TRPM3: variants seen among roughly 807,000 people sequenced by gnomAD.
TRPM3 encodes the protein transient receptor potential cation channel subfamily M member 3.
TRPM3 carries 77 observed loss-of-function variants against 181.2 expected under a neutral mutation model. The ratio of observed to expected loss-of-function variants is 0.42; its 90% CI spans 0.35 to 0.51. The LOEUF (loss-of-function observed/expected upper bound fraction) is 0.51, where lower values mean the gene tolerates loss of function less well. Among genes scored for constraint, TRPM3 ranks in the 20% least tolerant of loss-of-function variants. The pLI is 0.01. For synonymous variants in TRPM3, 745 were observed against 796.4 expected (o/e 0.94, Z 1.09); for missense variants, 1,759 against 2,196.7 (o/e 0.80, Z 3.98).
intron 8 of TRPM3, among the ~76,000 whole-genome samples, chr9:70,686,688 TC>T: frequency 1.0e-4 from 4 of 40,028 alleles, no homozygotes; most frequent in African/African-American, 2.9e-4. Context: ...CTTCCTTCTT[TC>T]CTTCCTTCCT....
chr9:70,690,281 CGATA>C (rs372103946), intron 8 of TRPM3, among the ~76,000 whole-genome samples: 1 of 152,050 alleles, frequency 6.6e-6, no homozygotes, highest in Non-Finnish European at 1.5e-5. Context: ...CATAGCTATA[CGATA>C]GATAATCAAC....
intron 1 of TRPM3, among the ~76,000 whole-genome samples, chr9:71,269,467 G>A (rs1199095737): frequency 6.6e-6 from 1 of 152,198 alleles, no homozygotes; most frequent in Admixed American, 6.5e-5. Flanking sequence ...CCGAGCAACA[G>A]AGCAGAATAA....
At chr9:70,885,200 T>G (rs1271844023) in intron 1 of TRPM3, among the ~76,000 whole-genome samples, 4 of 152,200 alleles carry the variant, frequency 2.6e-5, no homozygotes, top group Non-Finnish European at 4.4e-5. Context: ...GCAGGATTTC[T>G]CAACTCGGTA....
intron 1 of TRPM3, among the ~76,000 whole-genome samples, chr9:71,083,682 T>C (rs561031460): frequency 6.7e-6 from 1 of 150,298 alleles, no homozygotes; most frequent in African/African-American, 2.4e-5. Flanking sequence ...TAACCAGTGT[T>C]GCATAAAAGT....
intron 1 of TRPM3, among the ~76,000 whole-genome samples, chr9:71,413,184 C>A (rs978154479): frequency 2.0e-5 from 3 of 152,006 alleles, no homozygotes; most frequent in African/African-American, 7.2e-5. Flanking sequence ...CAACATGCCA[C>A]ATGTATACAT....
intron 1 of TRPM3, among the ~76,000 whole-genome samples, chr9:71,069,368 A>G (rs1370606757): frequency 6.6e-6 from 1 of 152,058 alleles, no homozygotes; most frequent in East Asian, 1.9e-4. Flanking sequence ...TAGTAGAGTC[A>G]GGGTTTCACC....
At chr9:70,945,825 C>T (rs924760383) in intron 1 of TRPM3, among the ~76,000 whole-genome samples, 5 of 152,064 alleles carry the variant, frequency 3.3e-5, no homozygotes, top group African/African-American at 1.2e-4. Context: ...GGCAGGGCAG[C>T]CCCAAGTTGT....
intron 1 of TRPM3, among the ~76,000 whole-genome samples, chr9:71,168,186 C>T (rs1303377500): frequency 6.6e-6 from 1 of 152,116 alleles, no homozygotes; most frequent in Non-Finnish European, 1.5e-5. Flanking sequence ...TTCTAGAAGG[C>T]TTTGAAGCCA....
rs556046285 is a variant in TRPM3, at chr9:70,625,031, T to C, written c.1809+160A>G. Among the ~76,000 whole-genome samples, 6 of 152,356 alleles carry C rather than the reference T, an allele frequency of 3.9e-5. 1 individual carries two copies. In the East Asian group the frequency reaches 1.2e-3, roughly 29 times the overall value. ...CTGCTGAGTTTAATAATCTCAATGA[T>C]AAGATTAATTTGAATTTCATTACTT... is the stretch of plus-strand genomic sequence containing the variant. On this transcript the variant is annotated intron_variant, in intron 14 of 25. Transcript: ENST00000677713. This position sits in a 1 kb window ranked among gnomAD's most constrained non-coding sequence, Gnocchi z 4.8.
intron 1 of TRPM3, among the ~76,000 whole-genome samples, chr9:71,004,190 G>C (rs1389257534): frequency 6.6e-6 from 1 of 152,212 alleles, no homozygotes; most frequent in Non-Finnish European, 1.5e-5. Flanking sequence ...ACTGGCCAGA[G>C]CCACAGTGCT....
intron 1 of TRPM3, among the ~76,000 whole-genome samples, chr9:71,105,420 G>A (rs1226530107): frequency 6.6e-6 from 1 of 152,188 alleles, no homozygotes; most frequent in Non-Finnish European, 1.5e-5. Context: ...GGGTGGTTAG[G>A]AGGCAGAAGA....
At chr9:71,110,343 G>A (rs528028013) in intron 1 of TRPM3, among the ~76,000 whole-genome samples, 1 of 152,306 alleles carries the variant, frequency 6.6e-6, no homozygotes, top group African/African-American at 2.4e-5. Context: ...TAGAATGGTT[G>A]AAAGCAATGA....
At chr9:70,766,959 T>C (rs891052982) in intron 7 of TRPM3, among the ~76,000 whole-genome samples, 1 of 152,242 alleles carries the variant, frequency 6.6e-6, no homozygotes, top group Non-Finnish European at 1.5e-5. Context: ...ATTAAATGAG[T>C]TAAGCTTTGT....
chr9:71,110,983 G>A (rs2070945555), intron 1 of TRPM3, among the ~76,000 whole-genome samples: 1 of 152,088 alleles, frequency 6.6e-6, no homozygotes, highest in African/African-American at 2.4e-5. Flanking sequence ...GCAGTTCTAA[G>A]TAGAAGTTAT....
rs115910049 is a variant in TRPM3 at position 71,049,099 on chromosome 9, C to T, written c.177+72079G>A. Among the ~76,000 whole-genome samples, 1,370 of 152,274 alleles carry T rather than the reference C, an allele frequency of 9.0e-3. 21 individuals are homozygous for T. The highest frequency in any genetic ancestry group is 0.03 in the African/African-American group (1,228 of 41,554). On this transcript the variant is annotated intron_variant, in intron 1 of 25. Transcript: ENST00000677713. The stretch of plus-strand genomic sequence containing the variant: ...CTCCTCCCCCAGAGAAGGCTGAGGA[C>T]CCTCACATACTTCAGCACTTCTTTG...
At chr9:71,147,302 G>A (rs1181037165) in intron 1 of TRPM3, among the ~76,000 whole-genome samples, 1 of 152,024 alleles carries the variant, frequency 6.6e-6, no homozygotes, top group Non-Finnish European at 1.5e-5. Context: ...CTTATGTAGA[G>A]CATTATCCCT....
intron 1 of TRPM3, among the ~76,000 whole-genome samples, chr9:71,315,476 G>A (rs1277932746): frequency 6.6e-6 from 1 of 151,988 alleles, no homozygotes; most frequent in Admixed American, 6.6e-5. Flanking sequence ...TTTCTACTCT[G>A]TCTAGATCCC....
intron 1 of TRPM3, among the ~76,000 whole-genome samples, chr9:71,062,049 T>A (rs183438578): frequency 1.3e-5 from 2 of 152,198 alleles, no homozygotes; most frequent in East Asian, 3.9e-4. Flanking sequence ...CAGGTAACTC[T>A]AGCCTCTGCA....
intron 5 of TRPM3, among the ~76,000 whole-genome samples, chr9:70,839,214 C>T (rs1489691408): frequency 6.6e-6 from 1 of 152,118 alleles, no homozygotes; most frequent in Non-Finnish European, 1.5e-5. Context: ...TCTCATCATG[C>T]CCAATCCATC....
Sources: gnomAD v4.1 joint callset for allele counts (sites outside exome capture counted in the v4.1 genomes callset) on GRCh38, gnomAD v4.1.1 for gene constraint, Gnocchi (gnomAD v3.1) non-coding constraint, MANE v1.5 for transcripts, NCBI Gene and HGNC (gene_info 2026-07-23, HGNC 2026-07-21) for gene names.